The following LRP1B variants were observed in gnomAD, a reference collection of about 807,000 sequenced individuals.
LRP1B encodes low-density lipoprotein receptor-related protein 1B.
In LRP1B, 217 loss-of-function variants were observed where a neutral mutation model predicts 556.6. The observed-to-expected ratio is 0.39, with a 90% CI of 0.35 to 0.44. The LOEUF (loss-of-function observed/expected upper bound fraction) is 0.44. LRP1B is among the 20% of genes least tolerant of loss of function. The pLI is 1.00. For synonymous variants in LRP1B, 2,047 were observed against 1,865.8 expected (o/e 1.10, Z -2.50); for missense variants, 5,053 against 5,620.8 (o/e 0.90, Z 3.23).
intron 44 of LRP1B, 21 bp from the exon 45 acceptor site, chr2:140,541,119 T>C (rs752581584): frequency 6.3e-7 from 1 of 1,584,724 alleles, no homozygotes; most frequent in Admixed American, 1.7e-5. Flanking sequence ...GAGGGTGTAT[T>C]GGTAACATTT....
chr2:140,989,230 C>G (rs1335537448), intron 17 of LRP1B, among the ~76,000 whole-genome samples: 1 of 152,014 alleles, frequency 6.6e-6, no homozygotes, highest in Non-Finnish European at 1.5e-5. Context: ...TAGCAAACAT[C>G]AACCTCCACT....
rs139825885 is a variant in LRP1B at position 140,333,886 on chromosome 2, T to G, written c.12223+567A>C. ...AGAAAGATCATGAAGACAGAAAAGATCTGAACTTCTGGGCAGTCCTGAGAA... is the reference window on the plus strand; with the variant it reads ...AGAAAGATCATGAAGACAGAAAAGAGCTGAACTTCTGGGCAGTCCTGAGAA... On this transcript the variant is annotated intron_variant, in intron 79 of 90. Coordinates refer to ENST00000389484, the MANE Select transcript of LRP1B (RefSeq NM_018557.3). Among the ~76,000 whole-genome samples the G allele has an allele frequency of 5.0e-4, 76 of 152,006 alleles. 1 individual carries two copies. In the East Asian group the frequency reaches 0.012, roughly 25 times the overall value.
intron 67 of LRP1B, among the ~76,000 whole-genome samples, chr2:140,382,111 ACT>A (rs1005455187): frequency 1.3e-5 from 2 of 151,786 alleles, no homozygotes; most frequent in African/African-American, 4.8e-5. Flanking sequence ...TATCTTAAAA[ACT>A]CTTAGTGATA....
chr2:140,291,318 A>ATATATATATATATTTTT lies in LRP1B; in HGVS notation c.12967+6489_12967+6490insAAAAATATATATATATA, dbSNP rs369391920. 1.5e-4 allele frequency among the ~76,000 whole-genome samples: 16 copies of ATATATATATATATTTTT among 109,316 alleles called. 1 individual carries two copies. Among genetic ancestry groups the ATATATATATATATTTTT allele is most frequent in the South Asian group, 6.5e-4 (2 of 3,096 alleles). The allele number at this position is 109,316 out of a possible 152,430, so 71.7% of individuals were successfully genotyped here. On this transcript the variant is annotated intron_variant, in intron 84 of 90. Coordinates refer to ENST00000389484, the MANE Select transcript of LRP1B (RefSeq NM_018557.3). ...TTATTTTATATATATATATATATAT[A>ATATATATATATATTTTT]TTTTTATTATACTTTAAGTTCTAGG...
At chr2:141,010,034 T>C (rs1272476730) in intron 14 of LRP1B, among the ~76,000 whole-genome samples, 1 of 152,070 alleles carries the variant, frequency 6.6e-6, no homozygotes, top group Non-Finnish European at 1.5e-5. Flanking sequence ...TTTAAATATA[T>C]GTTGTGAAAA....
At chr2:141,420,481 T>C (rs543720406) in intron 3 of LRP1B, among the ~76,000 whole-genome samples, 11 of 150,986 alleles carry the variant, frequency 7.3e-5, no homozygotes, top group African/African-American at 2.7e-4. Context: ...TTAGAAAGAA[T>C]TGGCAGCTAC....
chr2:141,810,353 G>T lies in LRP1B; in HGVS notation c.131C>A (p.Thr44Asn), dbSNP rs376454570. Residue 44 changes from threonine (T) to asparagine (N), a missense_variant, in exon 2 of 91, where the codon ACT (threonine) becomes AAT (asparagine). Physicochemically the swap from Thr to Asn is moderately conservative, Grantham distance 65 (BLOSUM62 0). Coordinates refer to ENST00000389484, the MANE Select transcript of LRP1B (RefSeq NM_018557.3). ...ACACAGCCAGCTCTGGGAGACACAA[G>T]TCACGTGATCGTGGCAAAGAAATTC... ...PGEFLCHDHV[T>N]CVSQSWLCDG... 6.2e-7 allele frequency: 1 copy of T among 1,613,116 alleles called. No individual in the cohort carries two copies. Among genetic ancestry groups the T allele is most frequent in the South Asian group, 1.1e-5 (1 of 91,056 alleles).
At chr2:140,805,851 A>G (rs1409918908) in intron 32 of LRP1B, among the ~76,000 whole-genome samples, 1 of 152,176 alleles carries the variant, frequency 6.6e-6, no homozygotes, top group Non-Finnish European at 1.5e-5. Flanking sequence ...GTGCTTGTGT[A>G]CGTATGTGTG....
chr2:141,042,181 G>A (rs1395712264), intron 11 of LRP1B, among the ~76,000 whole-genome samples: 3 of 152,080 alleles, frequency 2.0e-5, no homozygotes, highest in South Asian at 2.1e-4. Context: ...AAATGTCCTT[G>A]GAAGATAGAG....
intron 1 of LRP1B, among the ~76,000 whole-genome samples, chr2:141,815,930 G>T (rs183729603): frequency 6.6e-6 from 1 of 152,280 alleles, no homozygotes; most frequent in East Asian, 1.9e-4. Context: ...GAACAGTAAA[G>T]GGTGGTAAAG....
At position 140,323,418 on chromosome 2, in the gene LRP1B, G is replaced by T. The variant is rs988207618; in HGVS notation, c.12514+475C>A. On this transcript the variant is annotated intron_variant, in intron 81 of 90. Transcript: ENST00000389484. ...AATGATAGTTACTTGTTGATTAGTG[G>T]TAAGAGTCAAAATGGCTAACAATAA... is the stretch of plus-strand genomic sequence containing the variant. Among the ~76,000 whole-genome samples the T allele has an allele frequency of 2.0e-5, 3 of 151,940 alleles. No homozygotes were observed. The South Asian group carries it at 6.2e-4, about 32-fold the overall frequency.
intron 25 of LRP1B, among the ~76,000 whole-genome samples, chr2:140,870,947 A>G (rs1457925611): frequency 2.0e-5 from 3 of 152,164 alleles, no homozygotes; most frequent in African/African-American, 4.8e-5. Context: ...CAGAAATTAC[A>G]AATATGAAAT....
At chr2:141,945,870 C>G (rs1442945187) in intron 1 of LRP1B, among the ~76,000 whole-genome samples, 1 of 152,092 alleles carries the variant, frequency 6.6e-6, no homozygotes, top group East Asian at 1.9e-4. Flanking sequence ...GTCTGTTTTT[C>G]TTTATTCCCA....
chr2:140,656,420 T>C (rs556683347), intron 41 of LRP1B, among the ~76,000 whole-genome samples: 2 of 152,344 alleles, frequency 1.3e-5, no homozygotes, highest in Admixed American at 1.3e-4. Context: ...GTATGATTGA[T>C]AATGCCAGGA....
chr2:141,078,617 G>A (rs553525443), intron 7 of LRP1B, among the ~76,000 whole-genome samples: 1 of 44,198 alleles, frequency 2.3e-5, no homozygotes, highest in Admixed American at 2.5e-4. Context: ...CCTGCCAAGA[G>A]GGAGAGAGAA....
At position 141,011,204 on chromosome 2, in the gene LRP1B, GAA is replaced by G. The variant is rs10708669; in HGVS notation, c.2380+2350_2380+2351del. On this transcript the variant is annotated intron_variant, in intron 14 of 90. Transcript: ENST00000389484. ...TCAATTGCTATATTTTATCCATAGG[GAA>G]AAAAAAAAACAGTCTAACAGGACAA... is the stretch of plus-strand genomic sequence containing the variant. Among the ~76,000 whole-genome samples the G allele has an allele frequency of 1.4e-3, 199 of 144,350 alleles. 1 individual carries two copies. The highest frequency in any genetic ancestry group is 7.6e-3 in the South Asian group (35 of 4,616). 94.7% of individuals were successfully genotyped at this position (144,350 alleles called of 152,430 possible).
intron 1 of LRP1B, among the ~76,000 whole-genome samples, chr2:142,076,453 G>A (rs1705504581): frequency 6.6e-6 from 1 of 151,966 alleles, no homozygotes; most frequent in South Asian, 2.1e-4. Context: ...GTACTTTGAG[G>A]AAAAAGCAAC....
At chr2:140,681,881 A>G (rs1459217562) in intron 41 of LRP1B, among the ~76,000 whole-genome samples, 5 of 152,352 alleles carry the variant, frequency 3.3e-5, no homozygotes, top group African/African-American at 9.6e-5. Flanking sequence ...CTGTGCACTC[A>G]CCAAGTAAAG....
chr2:141,222,318 C>T (rs1474791399), intron 6 of LRP1B, among the ~76,000 whole-genome samples: 1 of 152,118 alleles, frequency 6.6e-6, no homozygotes, highest in African/African-American at 2.4e-5. Context: ...GACACATACA[C>T]CCACCCAAGA....
Sources: gnomAD v4.1 joint callset for allele counts (sites outside exome capture counted in the v4.1 genomes callset) on GRCh38, gnomAD v4.1.1 for gene constraint, MANE v1.5 for transcripts, NCBI Gene and HGNC (gene_info 2026-07-23, HGNC 2026-07-21) for gene names.